Variants in GMDS observed in about 807,000 individuals in gnomAD.
GMDS encodes the protein GDP-mannose 4,6-dehydratase.
In GMDS, 20 loss-of-function variants were observed where a neutral mutation model predicts 49.9. That is an observed-to-expected ratio of 0.40 (90% CI 0.28 to 0.58). The LOEUF is 0.58. GMDS is among the 20% of genes least tolerant of loss of function. GMDS has a pLI of 0.42. For synonymous variants in GMDS, 177 were observed against 178.6 expected (o/e 0.99, Z 0.07); for missense variants, 362 against 481.4 (o/e 0.75, Z 2.32).
intron 7 of GMDS, among the ~76,000 whole-genome samples, chr6:1,760,169 C>T (rs1426127961): frequency 6.6e-6 from 1 of 152,188 alleles, no homozygotes; most frequent in Non-Finnish European, 1.5e-5. Flanking sequence ...AAAGCAGATC[C>T]TCCTTTCCCA....
rs113474687 is a variant in GMDS, at chr6:2,001,938, A to T, written c.346-40972T>A. ...CAGTCTCAGTTTTATATTTAAATACATTCACTATTTGCCACCAATTCCTTT... is the reference window on the plus strand; with the variant it reads ...CAGTCTCAGTTTTATATTTAAATACTTTCACTATTTGCCACCAATTCCTTT... On this transcript the variant is annotated intron_variant, in intron 4 of 10. Transcript: ENST00000380815. 4.9e-3 allele frequency among the ~76,000 whole-genome samples: 744 copies of T among 152,256 alleles called. 5 individuals are homozygous for T. Among genetic ancestry groups the T allele is most frequent in the African/African-American group, 0.015 (640 of 41,546 alleles).
At chr6:1,725,406 G>C (rs1766545321) in intron 9 of GMDS, among the ~76,000 whole-genome samples, 1 of 152,086 alleles carries the variant, frequency 6.6e-6, no homozygotes, top group Admixed American at 6.6e-5. Flanking sequence ...TATTTATTAA[G>C]TACCTACCTT....
chr6:1,835,672 C>T (rs762395768), intron 7 of GMDS, among the ~76,000 whole-genome samples: 1 of 151,964 alleles, frequency 6.6e-6, no homozygotes, highest in Non-Finnish European at 1.5e-5. Context: ...GCATAAATAT[C>T]ATTTAATTTG....
intron 1 of GMDS, among the ~76,000 whole-genome samples, chr6:2,233,782 G>A (rs940299325): frequency 3.9e-5 from 6 of 152,154 alleles, no homozygotes; most frequent in Non-Finnish European, 5.9e-5. Context: ...CAGTGATCGC[G>A]CCACTGCACT....
At chr6:1,738,488 A>C (rs1767135684) in intron 8 of GMDS, among the ~76,000 whole-genome samples, 1 of 152,252 alleles carries the variant, frequency 6.6e-6, no homozygotes. Flanking sequence ...GACACGTGTC[A>C]AGCCTTTTCG....
intron 7 of GMDS, among the ~76,000 whole-genome samples, chr6:1,880,830 A>C (rs143301865): frequency 5.3e-4 from 81 of 152,324 alleles, no homozygotes; most frequent in Non-Finnish European, 9.7e-4. Context: ...TGGAAATGTC[A>C]AACACTGCCT....
At chr6:2,081,829 T>A (rs1022297538) in intron 4 of GMDS, among the ~76,000 whole-genome samples, 1 of 152,102 alleles carries the variant, frequency 6.6e-6, no homozygotes, top group South Asian at 2.1e-4. Flanking sequence ...AGAATAGATA[T>A]GTTTATTGCT....
chr6:2,070,320 A>T (rs1008493976), intron 4 of GMDS, among the ~76,000 whole-genome samples: 1 of 150,718 alleles, frequency 6.6e-6, no homozygotes, highest in East Asian at 2.0e-4. Flanking sequence ...CTAATGCTAG[A>T]TGACGAGTTA....
At chr6:1,895,980 T>G (rs1028393556) in intron 7 of GMDS, among the ~76,000 whole-genome samples, 8 of 152,182 alleles carry the variant, frequency 5.3e-5, no homozygotes, top group Non-Finnish European at 1.2e-4. Context: ...AGCTGAGTGA[T>G]TCATCGTTCC....
At chr6:1,981,472 A>G (rs1765218241) in intron 4 of GMDS, among the ~76,000 whole-genome samples, 1 of 152,224 alleles carries the variant, frequency 6.6e-6, no homozygotes, top group African/African-American at 2.4e-5. Flanking sequence ...ACACTCTCCC[A>G]AGACTGAACC....
chr6:2,244,402 C>A (rs560143392), intron 1 of GMDS, among the ~76,000 whole-genome samples: 98 of 152,218 alleles, frequency 6.4e-4, no homozygotes, highest in African/African-American at 2.3e-3. Context: ...TCACCTTTAT[C>A]TCAGTGTTAT....
intron 7 of GMDS, among the ~76,000 whole-genome samples, chr6:1,815,874 C>A (rs1294794785): frequency 6.6e-6 from 1 of 152,172 alleles, no homozygotes; most frequent in African/African-American, 2.4e-5. Flanking sequence ...TTTCACTCTT[C>A]CAGATTTCTT....
At chr6:2,020,337 AAAAT>A (rs1276389964) in intron 4 of GMDS, among the ~76,000 whole-genome samples, 1 of 151,830 alleles carries the variant, frequency 6.6e-6, no homozygotes, top group East Asian at 1.9e-4. Flanking sequence ...AATAAATTAA[AAAAT>A]AAAAACAATG....
intron 1 of GMDS, among the ~76,000 whole-genome samples, chr6:2,169,939 C>T (rs920798212): frequency 6.6e-6 from 1 of 152,184 alleles, no homozygotes; most frequent in African/African-American, 2.4e-5. Flanking sequence ...CGCGGTGGCT[C>T]ACGCCTGTAA....
intron 1 of GMDS, among the ~76,000 whole-genome samples, chr6:2,133,483 A>C (rs1441808965): frequency 1.3e-5 from 2 of 152,208 alleles, no homozygotes; most frequent in African/African-American, 4.8e-5. Flanking sequence ...TTAACTATTT[A>C]AAAATATTCT....
chr6:1,671,431 A>G (rs1337221289), intron 9 of GMDS, among the ~76,000 whole-genome samples: 2 of 151,920 alleles, frequency 1.3e-5, no homozygotes, highest in African/African-American at 2.4e-5. Context: ...CAAAAACAAC[A>G]CCCACCCCCA....
chr6:2,051,878 G>T (rs1562007951), intron 4 of GMDS, among the ~76,000 whole-genome samples: 2 of 152,046 alleles, frequency 1.3e-5, no homozygotes, highest in African/African-American at 4.8e-5. Flanking sequence ...CAGCACTTTG[G>T]GAGGCCTAGG....
intron 4 of GMDS, among the ~76,000 whole-genome samples, chr6:2,070,280 AG>A (rs1239313671): frequency 1.3e-5 from 1 of 76,872 alleles, no homozygotes; most frequent in East Asian, 4.7e-4. Context: ...GGGTGGGGGG[AG>A]GGGGGAGGGA....
At chr6:2,074,385 G>A (rs1316383230) in intron 4 of GMDS, among the ~76,000 whole-genome samples, 1 of 152,098 alleles carries the variant, frequency 6.6e-6, no homozygotes, top group Non-Finnish European at 1.5e-5. Flanking sequence ...AGCTATTTGA[G>A]TACCCTGCAC....
Sources: gnomAD v4.1 joint callset for allele counts (sites outside exome capture counted in the v4.1 genomes callset) on GRCh38, gnomAD v4.1.1 for gene constraint, MANE v1.5 for transcripts, NCBI Gene and HGNC (gene_info 2026-07-23, HGNC 2026-07-21) for gene names.